NLRP14: variants seen among roughly 807,000 people sequenced by gnomAD.
The protein encoded by NLRP14 is NLR family pyrin domain containing 14, also known as NACHT, LRR and PYD domains-containing protein 14.
In NLRP14, 105 loss-of-function variants were observed where a neutral mutation model predicts 94.7. The observed-to-expected ratio is 1.11, with a 90% confidence interval of 0.95 to 1.30. The LOEUF (loss-of-function observed/expected upper bound fraction) is 1.30. Among genes scored for constraint, NLRP14 ranks in the 50% most tolerant of loss-of-function variants. NLRP14 has a pLI of 0.00. For missense variants in NLRP14, 1,362 were observed against 1,254.1 expected, an observed-to-expected ratio of 1.09 and a Z score of -1.30; for synonymous variants, 508 against 459.9, an observed-to-expected ratio of 1.10 and a Z score of -1.34.
At chr11:7,077,906 A>C in the NLRP14 span, among the ~76,000 whole-genome samples, 1 of 151,128 alleles carries the variant, frequency 6.6e-6, no homozygotes, top group Non-Finnish European at 1.5e-5. Context: ...CAGTAGTCAA[A>C]TTTATAGAGA....
chr11:7,042,659 GTA>G lies in NLRP14; in HGVS notation c.635_636del (p.Tyr212CysfsTer10), dbSNP rs1352628848. ...EGSLYQQRFK[Y>X]VFYLNGREIN... The stretch of plus-strand genomic sequence containing the variant: ...GCAGTCTCTACCAGCAGAGGTTTAA[GTA>G]TGTTTTTTATCTCAATGGGAGAGAA... On this transcript the variant is annotated frameshift_variant, in exon 4 of 12. Transcript: ENST00000299481. LOFTEE classifies it high-confidence loss of function. The G allele has an allele frequency of 2.5e-6, 4 of 1,614,100 alleles. No individual in the cohort carries two copies. The African/African-American group carries it at 5.3e-5, about 22-fold the overall frequency.
chr11:7,081,817 A>T, the NLRP14 span, among the ~76,000 whole-genome samples: 1 of 152,304 alleles, frequency 6.6e-6, no homozygotes, highest in East Asian at 1.9e-4. Flanking sequence ...AGATCTCATT[A>T]TATAGACGTG....
At chr11:7,055,695 T>C (rs1022940872) in intron 6 of NLRP14, among the ~76,000 whole-genome samples, 1 of 152,084 alleles carries the variant, frequency 6.6e-6, no homozygotes, top group Non-Finnish European at 1.5e-5. Context: ...TGACCAACTC[T>C]CAAAGCAGAG....
chr11:7,046,922 C>T (rs1852361359), intron 5 of NLRP14, 90 bp downstream of exon 5: 2 of 940,708 alleles, frequency 2.1e-6, no homozygotes, highest in Admixed American at 1.7e-5. Context: ...GAAGCCAATG[C>T]TAAACAAATA....
intron 3 of NLRP14, among the ~76,000 whole-genome samples, chr11:7,040,990 G>T (rs937262359): frequency 1.3e-5 from 2 of 152,088 alleles, no homozygotes; most frequent in Admixed American, 6.5e-5. Flanking sequence ...TTTGAAAATT[G>T]TGATAAAAGT....
chr11:7,042,900 T>C lies in NLRP14; in HGVS notation c.874T>C (p.Leu292=), dbSNP rs1271191512. Residue 292 remains leucine (L), a synonymous_variant, in exon 4 of 12, where the codon TTG becomes CTG. Coordinates refer to ENST00000299481, the MANE Select transcript of NLRP14 (RefSeq NM_176822.4). ...CCCAGTGTCCTTCCTCATGAGTAGT[T>C]TGCTGAGGAAAGTGATGCTCCCTGA... ...EHPVSFLMSS[L]LRKVMLPEAS... is the part of the protein sequence containing the mutation. 26 of 1,613,994 alleles carry C rather than the reference T, an allele frequency of 1.6e-5. No homozygotes were observed. The highest frequency in any genetic ancestry group is 2.2e-5 in the Non-Finnish European group (26 of 1,179,986).
Position 7,043,152 on chromosome 11 carries a change from T to A in NLRP14, c.1126T>A (p.Cys376Ser). The A allele has an allele frequency of 6.2e-7, 1 of 1,614,146 alleles. No individual in the cohort carries two copies. Among genetic ancestry groups the A allele is most frequent in the African/African-American group, 1.3e-5 (1 of 75,048 alleles). The change falls in exon 4 of 12, where the codon TGT (cysteine) becomes AGT (serine). Residue 376 changes from cysteine to serine, a missense_variant. Cys to Ser is a moderately radical substitution (Grantham distance 112, BLOSUM62 -1). Coordinates refer to ENST00000299481, the MANE Select transcript of NLRP14 (RefSeq NM_176822.4). ...AGTCCCCCTAGTGTGCTGGGCCGCT[T>A]GTACTTGTCTGAAGCAGCAAATGGA... ...CQVPLVCWAA[C>S]TCLKQQMEKG...
the NLRP14 span, chr11:7,089,151 T>C: frequency 6.2e-7 from 1 of 1,613,808 alleles, no homozygotes; most frequent in Non-Finnish European, 8.5e-7. Context: ...GGGGAAGCTG[T>C]TCATTGGGGG....
chr11:7,043,416 A>T lies in NLRP14; in HGVS notation c.1390A>T (p.Asn464Tyr). The T allele has an allele frequency of 1.9e-6, 3 of 1,614,152 alleles. No individual in the cohort carries two copies. Among genetic ancestry groups the T allele is most frequent in the Non-Finnish European group, 2.5e-6 (3 of 1,179,976 alleles). ...QSDVSSFMDS[N>Y]IIQKDAEYEN... ...TGATGTCTCTAGTTTTATGGACAGC[A>T]ATATTATTCAGAAGGACGCAGAGTA... is the stretch of plus-strand genomic sequence containing the variant. The change falls in exon 4 of 12, where the codon AAT becomes TAT. Residue 464 changes from asparagine to tyrosine, a missense_variant. Transcript: ENST00000299481.
the NLRP14 span, among the ~76,000 whole-genome samples, chr11:7,078,157 G>A: frequency 6.6e-6 from 1 of 152,058 alleles, no homozygotes; most frequent in Non-Finnish European, 1.5e-5. Context: ...AATTGAATTA[G>A]GCTGGGTGCG....
intron 1 of NLRP14, among the ~76,000 whole-genome samples, chr11:7,030,865 C>T (rs1020363104): frequency 2.6e-5 from 4 of 152,220 alleles, no homozygotes; most frequent in Non-Finnish European, 1.5e-5. Flanking sequence ...GGAGGAAGGA[C>T]GTGCGCCCAC....
Position 7,042,805 on chromosome 11 carries a change from GT to G in NLRP14, c.782del (p.Phe261SerfsTer4). Reference protein sequence around the residue: ...QPSSLLFIIDSFDELNFAFEE... With the variant: ...QPSSLLFIIDXFDELNFAFEE... ...AGTAGCCTCTTGTTTATTATTGACA[GT>G]TTCGATGAACTGAACTTTGCCTTTG... On this transcript the variant is annotated frameshift_variant, in exon 4 of 12. Transcript: ENST00000299481. LOFTEE classifies it high-confidence loss of function. The G allele has an allele frequency of 6.2e-7, 1 of 1,614,180 alleles. No homozygotes were observed. Among genetic ancestry groups the G allele is most frequent in the Non-Finnish European group, 8.5e-7 (1 of 1,180,028 alleles).
At chr11:7,069,304 T>C (rs1485384262) in intron 10 of NLRP14, among the ~76,000 whole-genome samples, 1 of 152,238 alleles carries the variant, frequency 6.6e-6, no homozygotes, top group Non-Finnish European at 1.5e-5. Flanking sequence ...AAAAAAAGTT[T>C]TGTATGCTCA....
chr11:7,060,760 G>T (rs1852605466), intron 9 of NLRP14, among the ~76,000 whole-genome samples: 1 of 151,972 alleles, frequency 6.6e-6, no homozygotes, highest in Admixed American at 6.6e-5. Context: ...TCCATTGCAT[G>T]TGCATACATA....
At chr11:7,064,410 A>T (rs1252014980) in intron 10 of NLRP14, among the ~76,000 whole-genome samples, 1 of 152,090 alleles carries the variant, frequency 6.6e-6, no homozygotes, top group Non-Finnish European at 1.5e-5. Context: ...CACAGACCAC[A>T]TAATTATTTT....
chr11:7,038,471 A>T, intron 1 of NLRP14, 95 bp from the exon 2 acceptor site: 1 of 1,037,560 alleles, frequency 9.6e-7, no homozygotes, highest in Non-Finnish European at 1.5e-6. Flanking sequence ...AATGTTTGTT[A>T]AATTAATCTA....
chr11:7,035,700 C>T (rs1003147285), intron 1 of NLRP14, among the ~76,000 whole-genome samples: 4 of 152,166 alleles, frequency 2.6e-5, no homozygotes, highest in Non-Finnish European at 5.9e-5. Context: ...ACCTCCATAT[C>T]TCTCCCCTCT....
intron 1 of NLRP14, among the ~76,000 whole-genome samples, chr11:7,024,415 G>T (rs1009826354): frequency 6.6e-6 from 1 of 152,148 alleles, no homozygotes; most frequent in African/African-American, 2.4e-5. Flanking sequence ...TGCTATCTTG[G>T]TTTCTGCTAT....
chr11:7,028,161 G>A (rs1244360541), intron 1 of NLRP14, among the ~76,000 whole-genome samples: 1 of 152,028 alleles, frequency 6.6e-6, no homozygotes. Flanking sequence ...CTCCTTCCTT[G>A]TCAATTTGAC....
Sources: gnomAD v4.1 joint callset for allele counts (sites outside exome capture counted in the v4.1 genomes callset) on GRCh38, gnomAD v4.1.1 for gene constraint, MANE v1.5 for transcripts, NCBI Gene and HGNC (gene_info 2026-07-23, HGNC 2026-07-21) for gene names.